The following KRT18 variants were observed in gnomAD, a reference collection of about 807,000 sequenced individuals.
KRT18 encodes the protein keratin 18, also known as keratin, type I cytoskeletal 18.
A neutral mutation model predicts 39.9 loss-of-function variants in KRT18; 8 were observed. That is an observed-to-expected ratio of 0.20 (90% CI 0.12 to 0.36). The LOEUF (loss-of-function observed/expected upper bound fraction) is 0.36. KRT18 is among the 10% of genes least tolerant of loss of function. The pLI, the probability that KRT18 is intolerant of heterozygous loss-of-function variation, is 1.00. For missense variants in KRT18, 396 were observed against 565.7 expected, an observed-to-expected ratio of 0.70 and a Z score of 3.04; for synonymous variants, 194 against 227.8, an observed-to-expected ratio of 0.85 and a Z score of 1.33.
intron 1 of KRT18, chr12:52,949,928 C>T: frequency 1.6e-6 from 1 of 639,796 alleles, no homozygotes; most frequent in South Asian, 1.8e-5. Flanking sequence ...GCGGATGTGG[C>T]TAAGGCTGAG....
At chr12:52,950,266 A>C in intron 1 of KRT18, 62 bp from the exon 2 acceptor site, 1 of 1,204,770 alleles carries the variant, frequency 8.3e-7, no homozygotes, top group African/African-American at 1.5e-5. Context: ...CTTTTTACAC[A>C]CTCACCCCAC....
Position 52,949,346 on chromosome 12 carries a change from T to G in KRT18, c.173T>G (p.Met58Arg). 1 of 1,594,916 alleles carries G rather than the reference T, an allele frequency of 6.3e-7. No individual in the cohort carries two copies. The highest frequency in any genetic ancestry group is 8.5e-7 in the Non-Finnish European group (1 of 1,174,112). The part of the protein sequence containing the change: ...VSRSTSFRGG[M>R]GSGGLATGIA... Reference sequence around the variant, plus strand: ...CGCTCCACCAGCTTCAGGGGCGGCATGGGGTCCGGGGGCCTGGCCACCGGG... The same window carrying G: ...CGCTCCACCAGCTTCAGGGGCGGCAGGGGGTCCGGGGGCCTGGCCACCGGG... The change falls in exon 1 of 7, where the codon ATG becomes AGG. Residue 58 changes from methionine (M) to arginine (R), a missense_variant. By Grantham distance (91) the Met-to-Arg change is moderately conservative. Coordinates refer to ENST00000388835, the MANE Select transcript of KRT18 (RefSeq NM_000224.3).
chr12:52,949,620 G>A, intron 1 of KRT18, 30 bp downstream of exon 1: 1 of 1,589,616 alleles, frequency 6.3e-7, no homozygotes, highest in Non-Finnish European at 8.6e-7. Context: ...TCAACTCCCA[G>A]CCTTGTCTGA....
chr12:52,948,996 C>T, upstream of KRT18: 3 of 512,706 alleles, frequency 5.9e-6, no homozygotes, highest in Non-Finnish European at 6.7e-6. Context: ...CGGGGCGGAG[C>T]GGCCCGGGGC....
upstream of KRT18, chr12:52,948,896 G>A (rs115941399): frequency 4.6e-6 from 2 of 430,744 alleles, no homozygotes; most frequent in African/African-American, 4.1e-5. Flanking sequence ...AACAACACCT[G>A]CTGTCCGTGT....
chr12:52,951,787 G>A lies in KRT18; in HGVS notation c.879G>A (p.Glu293=). The change falls in exon 5 of 7, where the codon GAG becomes GAA. Residue 293 remains glutamate, a synonymous_variant. Coordinates refer to ENST00000388835, the MANE Select transcript of KRT18 (RefSeq NM_000224.3). ...TTQSAEVGAA[E]TTLTELRRTV... ...AGTCTGCTGAGGTTGGAGCTGCTGA[G>A]ACGACGCTCACAGAGCTGAGACGTA... 1 of 1,612,480 alleles carries A rather than the reference G, an allele frequency of 6.2e-7. No individual in the cohort carries two copies. Among genetic ancestry groups the A allele is most frequent in the Non-Finnish European group, 8.5e-7 (1 of 1,179,982 alleles).
At chr12:52,951,685 G>T in intron 4 of KRT18, 40 bp downstream of exon 4, 1 of 1,613,206 alleles carries the variant, frequency 6.2e-7, no homozygotes, top group South Asian at 1.1e-5. Flanking sequence ...GTGTGGGAGG[G>T]AGGCAGACGG....
intron 1 of KRT18, chr12:52,949,922 A>C (rs931483541): frequency 4.6e-6 from 3 of 650,376 alleles, no homozygotes; most frequent in East Asian, 5.4e-5. Context: ...GGTTAAGCGG[A>C]TGTGGCTAAG....
intron 3 of KRT18, 68 bp from the exon 4 acceptor site, chr12:52,951,413 C>A: frequency 6.7e-7 from 1 of 1,495,354 alleles, no homozygotes; most frequent in South Asian, 1.1e-5. Context: ...AAGAGGCAAT[C>A]ACAGAAGAAA....
intron 5 of KRT18, 25 bp from the exon 6 acceptor site, chr12:52,952,094 G>A (rs1942500303): frequency 6.6e-6 from 10 of 1,523,652 alleles, no homozygotes; most frequent in African/African-American, 5.5e-5. Context: ...GGCTCACCCT[G>A]CCCCTCCTCT....
At position 52,950,701 on chromosome 12, in the gene KRT18, G is replaced by A. The variant is rs199596135; in HGVS notation, c.501-49G>A. ...CTTAGTAGGTGGCATGAGTTGAGAA[G>A]GTTCTGGATCAGAGATAGGGGCCCC... On this transcript the variant is annotated intron_variant, in intron 2 of 6. Coordinates refer to ENST00000388835, the MANE Select transcript of KRT18 (RefSeq NM_000224.3). 6.3e-6 allele frequency: 10 copies of A among 1,581,150 alleles called. No homozygotes were observed. The African/African-American group carries it at 9.4e-5, about 15-fold the overall frequency.
chr12:52,952,855 A>G lies in KRT18; in HGVS notation c.*13A>G. 1 of 1,604,878 alleles carries G rather than the reference A, an allele frequency of 6.2e-7. No individual in the cohort carries two copies. The highest frequency in any genetic ancestry group is 8.5e-7 in the Non-Finnish European group (1 of 1,179,240). Reference sequence around the variant, plus strand: ...TCTGAGGCATTAAGCCAGCAGAAGCAGGGTACCCTTTGGGGAGCAGGAGGC... The same window carrying G: ...TCTGAGGCATTAAGCCAGCAGAAGCGGGGTACCCTTTGGGGAGCAGGAGGC... On this transcript the variant is annotated 3_prime_UTR_variant, in exon 7 of 7. Coordinates refer to ENST00000388835, the MANE Select transcript of KRT18 (RefSeq NM_000224.3).
At chr12:52,949,988 G>A in intron 1 of KRT18, 1 of 611,720 alleles carries the variant, frequency 1.6e-6, no homozygotes, top group Non-Finnish European at 2.9e-6. Flanking sequence ...CCAATCCAGG[G>A]TGTAGGGGGC....
intron 1 of KRT18, chr12:52,950,114 C>T: frequency 3.0e-6 from 2 of 672,202 alleles, no homozygotes; most frequent in Non-Finnish European, 5.4e-6. Context: ...CCTGCTGAGG[C>T]TTCCCAAGAG....
intron 6 of KRT18, 181 bp from the exon 7 acceptor site, chr12:52,952,541 G>A (rs1942509818): frequency 1.3e-6 from 1 of 793,036 alleles, no homozygotes. Context: ...ACTAAGTATT[G>A]TCCCTAGCTG....
In KRT18 at chr12:52,950,860, A is replaced by G. The variant is rs1213240462; in HGVS notation, c.611A>G (p.Glu204Gly). 6.2e-7 allele frequency: 1 copy of G among 1,600,082 alleles called. No individual in the cohort carries two copies. The highest frequency in any genetic ancestry group is 8.5e-7 in the Non-Finnish European group (1 of 1,173,858). ...CGACTGCAGCTGGAGACAGAGATCG[A>G]GGCTCTCAAGGAGGAGCTGCTCTTC... ...ITRLQLETEI[E>G]ALKEELLFMK... The change falls in exon 3 of 7, where the codon GAG becomes GGG. Residue 204 changes from glutamate (E) to glycine (G), a missense_variant. Transcript: ENST00000388835.
At chr12:52,951,949 G>T in intron 5 of KRT18, 93 bp downstream of exon 5, 1 of 1,501,626 alleles carries the variant, frequency 6.7e-7, no homozygotes, top group Non-Finnish European at 9.2e-7. Flanking sequence ...CATATCATGA[G>T]TTCCTTTAGC....
rs759840994 is a variant in KRT18 at position 52,949,684 on chromosome 12, C to T, written c.417+94C>T. On this transcript the variant is annotated intron_variant, in intron 1 of 6. Transcript: ENST00000388835. ...TTCCGTCATTCCATAACCACCCAAC[C>T]CCTACTCCACCGGGAGGGGGTTGGG... The T allele has an allele frequency of 4.5e-6, 5 of 1,109,986 alleles. No homozygotes were observed. In the East Asian group the frequency reaches 1.2e-4, roughly 27 times the overall value. 68.8% of individuals were successfully genotyped at this position (1,109,986 alleles called of 1,614,324 possible).
chr12:52,950,191 T>C (rs1036978983), intron 1 of KRT18, 137 bp from the exon 2 acceptor site: 1 of 767,162 alleles, frequency 1.3e-6, no homozygotes, highest in African/African-American at 1.7e-5. Flanking sequence ...TGAAAAGGGA[T>C]AGGTGTCCAG....
Sources: gnomAD v4.1 joint callset for allele counts on GRCh38, gnomAD v4.1.1 for gene constraint, MANE v1.5 for transcripts, NCBI Gene and HGNC (gene_info 2026-07-23, HGNC 2026-07-21) for gene names.